PEMT: variants seen among roughly 807,000 people sequenced by gnomAD.
PEMT encodes the protein phosphatidylethanolamine N-methyltransferase.
PEMT carries 23 observed loss-of-function variants against 27.4 expected under a neutral mutation model. The ratio of observed to expected loss-of-function variants is 0.84; its 90% CI spans 0.60 to 1.19. The LOEUF (loss-of-function observed/expected upper bound fraction) is 1.19. Ranked by LOEUF, PEMT falls within the 50% of genes most tolerant of loss-of-function variation. The pLI is 0.00. For missense variants in PEMT, 307 were observed against 310.1 expected, an observed-to-expected ratio of 0.99 and a Z score of 0.07; for synonymous variants, 137 against 139.1, an observed-to-expected ratio of 0.98 and a Z score of 0.11.
At chr17:17,545,636 T>C (rs1429812294) in intron 2 of PEMT, among the ~76,000 whole-genome samples, 2 of 152,220 alleles carry the variant, frequency 1.3e-5, no homozygotes, top group Non-Finnish European at 2.9e-5. Context: ...CCATGACTCA[T>C]TCATTCATGC....
intron 2 of PEMT, among the ~76,000 whole-genome samples, chr17:17,567,076 A>G (rs1910874476): frequency 1.3e-5 from 2 of 152,160 alleles, no homozygotes; most frequent in Non-Finnish European, 2.9e-5. Flanking sequence ...CCAAAAATAA[A>G]TCATCCAGGG....
intron 2 of PEMT, among the ~76,000 whole-genome samples, chr17:17,576,499 G>T (rs559020923): frequency 2.0e-4 from 30 of 152,250 alleles, no homozygotes; most frequent in Non-Finnish European, 4.1e-4. Flanking sequence ...CACACGAGGG[G>T]TGGGAGATTC....
intron 2 of PEMT, among the ~76,000 whole-genome samples, chr17:17,557,740 A>C (rs889525340): frequency 6.6e-6 from 1 of 152,190 alleles, no homozygotes; most frequent in Non-Finnish European, 1.5e-5. Flanking sequence ...GGCTGGTGAC[A>C]ATGACAGGCC....
Position 17,514,229 on chromosome 17 carries a change from A to C in PEMT, c.321-1575T>G, listed in dbSNP as rs559430874. ...AAACTCCTTATGCTGAGCTAAGGACATACAGACATGTCTTTATGCCTCCCT... is the reference window on the plus strand; with the variant it reads ...AAACTCCTTATGCTGAGCTAAGGACCTACAGACATGTCTTTATGCCTCCCT... On this transcript the variant is annotated intron_variant, in intron 3 of 6. Coordinates refer to ENST00000255389, the MANE Select transcript of PEMT (RefSeq NM_148172.3). Among the ~76,000 whole-genome samples, 7 of 152,388 alleles carry C rather than the reference A, an allele frequency of 4.6e-5. No homozygotes were observed. In the East Asian group the frequency reaches 1.3e-3, roughly 29 times the overall value.
intron 2 of PEMT, among the ~76,000 whole-genome samples, chr17:17,537,188 C>T (rs1438225086): frequency 6.6e-6 from 1 of 152,226 alleles, no homozygotes; most frequent in Non-Finnish European, 1.5e-5. Context: ...CTGCTGCTGC[C>T]CTGGAAAGAA....
chr17:17,573,974 G>A (rs1315532478), intron 2 of PEMT, among the ~76,000 whole-genome samples: 1 of 151,910 alleles, frequency 6.6e-6, no homozygotes, highest in African/African-American at 2.4e-5. Context: ...TAGTGGCAGG[G>A]TTTTGCCATG....
intron 5 of PEMT, chr17:17,507,145 C>G (rs765802647): frequency 6.4e-7 from 1 of 1,556,238 alleles, no homozygotes; most frequent in South Asian, 1.2e-5. Flanking sequence ...GTCAAGCTGT[C>G]CCCCAATCTA....
intron 2 of PEMT, among the ~76,000 whole-genome samples, chr17:17,550,173 C>A (rs3803759): frequency 6.6e-6 from 1 of 152,236 alleles, no homozygotes; most frequent in East Asian, 1.9e-4. Context: ...CCCACCACCC[C>A]CCTCTGGAAC....
At chr17:17,526,767 G>A (rs1259600966) in intron 2 of PEMT, among the ~76,000 whole-genome samples, 1 of 152,246 alleles carries the variant, frequency 6.6e-6, no homozygotes, top group Non-Finnish European at 1.5e-5. Context: ...GGCAGCCCAA[G>A]ATGTGTTCTG....
chr17:17,540,423 A>C (rs975564181), intron 2 of PEMT, among the ~76,000 whole-genome samples: 1 of 152,216 alleles, frequency 6.6e-6, no homozygotes, highest in Non-Finnish European at 1.5e-5. Flanking sequence ...GCCAGCCAGC[A>C]TGAGTTCTGG....
chr17:17,549,904 C>T lies in PEMT; in HGVS notation c.204+27016G>A, dbSNP rs141112084. ...CACACACATTCAGTCCCTGCAAGTC[C>T]GCAGCTTCCAGAGGCCATGCCAACA... On this transcript the variant is annotated intron_variant, in intron 2 of 6. Coordinates refer to ENST00000255389, the MANE Select transcript of PEMT (RefSeq NM_148172.3). Among the ~76,000 whole-genome samples, 19 of 152,310 alleles carry T rather than the reference C, an allele frequency of 1.2e-4. No homozygotes were observed. The East Asian group carries it at 3.3e-3, about 26-fold the overall frequency.
intron 2 of PEMT, among the ~76,000 whole-genome samples, chr17:17,558,817 C>A (rs530033103): frequency 1.3e-5 from 2 of 152,176 alleles, no homozygotes; most frequent in African/African-American, 4.8e-5. Flanking sequence ...TCCCTTCCAG[C>A]CGACACCCCT....
In PEMT at chr17:17,582,830, T is replaced by C. The variant is rs2142756672; in HGVS notation, c.97-5803A>G. On this transcript the variant is annotated intron_variant, in intron 1 of 6. Coordinates refer to ENST00000255389, the MANE Select transcript of PEMT (RefSeq NM_148172.3). This position sits in a 1 kb window ranked among gnomAD's most constrained non-coding sequence, Gnocchi z 4.9. ...CGTAATCCCAGCACTTTGGGAGGCC[T>C]AGGCAGGCGGATCACAAGGCCAGGA... Among the ~76,000 whole-genome samples the C allele has an allele frequency of 6.6e-6, 1 of 152,108 alleles. No homozygotes were observed.
rs777706970 is a variant in PEMT at position 17,577,015 on chromosome 17, C to T, written c.109G>A (p.Val37Ile). The T allele has an allele frequency of 2.9e-5, 47 of 1,613,592 alleles. No homozygotes were observed. Among genetic ancestry groups the T allele is most frequent in the Middle Eastern group, 3.3e-4 (2 of 6,082 alleles). Residue 37 changes from valine (V) to isoleucine (I), a missense_variant, in exon 2 of 7, where the codon GTT (valine) becomes ATT (isoleucine). Transcript: ENST00000255389. The stretch of plus-strand genomic sequence containing the variant: ...ACGTAGCCCAGCAGCCGGGTCATAA[C>T]GCAGAAGTCTGCCTGCAGGGACAGA... ...NIDFRQADFC[V>I]MTRLLGYVDP... is the part of the protein sequence containing the mutation.
Position 17,536,954 on chromosome 17 carries a change from G to A in PEMT, c.205-14559C>T, listed in dbSNP as rs530789835. Among the ~76,000 whole-genome samples the A allele has an allele frequency of 3.2e-4, 49 of 152,338 alleles. 1 individual carries two copies. Among genetic ancestry groups the A allele is most frequent in the Admixed American group, 2.7e-3 (41 of 15,308 alleles). ...CTTCACCAGTGCCAGCACCCAGCCC[G>A]GGAAGTCAGGGAGTGCGGGGTCTCC... On this transcript the variant is annotated intron_variant, in intron 2 of 6. Transcript: ENST00000255389.
At chr17:17,555,907 C>G (rs970390496) in intron 2 of PEMT, among the ~76,000 whole-genome samples, 1 of 152,254 alleles carries the variant, frequency 6.6e-6, no homozygotes, top group Admixed American at 6.5e-5. Context: ...TCCTCCAGGT[C>G]TCCCTCTGCC....
chr17:17,543,728 A>G (rs1248513085), intron 2 of PEMT, among the ~76,000 whole-genome samples: 1 of 152,076 alleles, frequency 6.6e-6, no homozygotes, highest in Non-Finnish European at 1.5e-5. Flanking sequence ...ACATCCAGCT[A>G]ATTTTTGTAT....
At chr17:17,550,335 G>A (rs929984291) in intron 2 of PEMT, among the ~76,000 whole-genome samples, 2 of 152,202 alleles carry the variant, frequency 1.3e-5, no homozygotes, top group African/African-American at 4.8e-5. Flanking sequence ...CTGTGCCACC[G>A]ATTAGGTCGA....
intron 2 of PEMT, among the ~76,000 whole-genome samples, chr17:17,551,191 T>C (rs993085505): frequency 6.6e-6 from 1 of 152,160 alleles, no homozygotes; most frequent in African/African-American, 2.4e-5. Flanking sequence ...TTGAACGCCA[T>C]GCAGAAGGCT....
Sources: allele counts gnomAD v4.1 joint callset (sites outside exome capture counted in the v4.1 genomes callset), GRCh38; gene constraint gnomAD v4.1.1; non-coding constraint Gnocchi (gnomAD v3.1); transcripts MANE v1.5; gene names NCBI Gene and HGNC (gene_info 2026-07-23, HGNC 2026-07-21).